CCM2L: variants seen among roughly 807,000 people sequenced by gnomAD.
CCM2L encodes the protein cerebral cavernous malformations 2 protein-like.
In CCM2L, 36 loss-of-function variants were observed where a neutral mutation model predicts 54.1. The observed-to-expected ratio is 0.67, with a 90% CI of 0.51 to 0.88. The LOEUF (loss-of-function observed/expected upper bound fraction) is 0.88. CCM2L is among the 40% of genes least tolerant of loss of function. The pLI, the probability that CCM2L is intolerant of heterozygous loss-of-function variation, is 0.00. For synonymous variants in CCM2L, 351 were observed against 359.3 expected (o/e 0.98, Z 0.26); for missense variants, 700 against 812.1 (o/e 0.86, Z 1.68).
At position 32,022,711 on chromosome 20, in the gene CCM2L, T is replaced by C. The variant is rs374312057; in HGVS notation, c.985T>C (p.Tyr329His). 11 of 1,614,092 alleles carry C rather than the reference T, an allele frequency of 6.8e-6. 1 individual carries two copies. Among genetic ancestry groups the C allele is most frequent in the Middle Eastern group, 1.6e-4 (1 of 6,072 alleles). Residue 329 changes from tyrosine (Y) to histidine (H), a missense_variant, in exon 6 of 10, where the codon TAC becomes CAC. Coordinates refer to ENST00000452892, the MANE Select transcript of CCM2L (RefSeq NM_001365692.1). ...CATCTGTCAGGTCTTCCAGATCATCTACGGGGACCAGAGTATTGAGTGTGT... is the reference window on the plus strand; with the variant it reads ...CATCTGTCAGGTCTTCCAGATCATCCACGGGGACCAGAGTATTGAGTGTGT... ...ALICQVFQIIYGDQSIECVDR... is the reference protein window; with the variant it reads ...ALICQVFQIIHGDQSIECVDR...
chr20:32,014,503 T>C (rs1439393202), intron 1 of CCM2L, among the ~76,000 whole-genome samples: 1 of 152,092 alleles, frequency 6.6e-6, no homozygotes, highest in East Asian at 1.9e-4. Context: ...TGACCTCAAG[T>C]GATCCACCCG....
rs767311405 is a variant in CCM2L at position 32,029,139 on chromosome 20, G to T, written c.1263+15G>T. ...ACATGGTCACGGTGAGCTGGGGCCGGTGGTGGGAATGGCACAAGCAAAAGC... is the reference window on the plus strand; with the variant it reads ...ACATGGTCACGGTGAGCTGGGGCCGTTGGTGGGAATGGCACAAGCAAAAGC... On this transcript the variant is annotated intron_variant, in intron 8 of 9. Coordinates refer to ENST00000452892, the MANE Select transcript of CCM2L (RefSeq NM_001365692.1). 8 of 1,613,974 alleles carry T rather than the reference G, an allele frequency of 5.0e-6. No individual in the cohort carries two copies. Among genetic ancestry groups the T allele is most frequent in the African/African-American group, 2.7e-5 (2 of 74,920 alleles).
At chr20:32,029,987 C>T in intron 9 of CCM2L, 149 bp downstream of exon 9, 1 of 995,218 alleles carries the variant, frequency 1.0e-6, no homozygotes, top group Non-Finnish European at 1.4e-6. Flanking sequence ...AGATGAGGAG[C>T]CCAAAGTGCA....
intron 5 of CCM2L, 90 bp from the exon 6 acceptor site, chr20:32,022,570 G>A: frequency 1.3e-6 from 2 of 1,486,062 alleles, no homozygotes; most frequent in Non-Finnish European, 1.8e-6. Context: ...GTGTATCTTT[G>A]TGCGCATCTT....
intron 7 of CCM2L, chr20:32,027,814 T>C (rs2064876980): frequency 6.6e-6 from 1 of 152,200 alleles, no homozygotes; most frequent in African/African-American, 2.4e-5. Flanking sequence ...GGCACTCTGC[T>C]GTGTGCTGGG....
At chr20:32,028,843 T>C (rs2064889345) in intron 7 of CCM2L, 152 bp from the exon 8 acceptor site, 4 of 930,858 alleles carry the variant, frequency 4.3e-6, no homozygotes, top group Non-Finnish European at 4.8e-6. Context: ...GCAAGCACAG[T>C]GACAGATGAG....
intron 9 of CCM2L, among the ~76,000 whole-genome samples, chr20:32,030,680 C>A (rs1193554489): frequency 6.6e-6 from 1 of 151,864 alleles, no homozygotes; most frequent in Admixed American, 6.6e-5. Flanking sequence ...ACTAAAAATA[C>A]AAAAATTAGC....
Position 32,014,956 on chromosome 20 carries a change from C to A in CCM2L, c.83C>A (p.Ala28Glu), listed in dbSNP as rs1213705430. 10 of 1,601,956 alleles carry A rather than the reference C, an allele frequency of 6.2e-6. No homozygotes were observed. The highest frequency in any genetic ancestry group is 8.5e-6 in the Non-Finnish European group (10 of 1,174,158). ...RLVFPKAGRRAACRSSVSRRP... is the reference protein window; with the variant it reads ...RLVFPKAGRREACRSSVSRRP... The stretch of plus-strand genomic sequence containing the variant: ...GTGTTCCCCAAGGCCGGGCGCCGGG[C>A]AGCCTGTAGGAGCAGCGTGAGCCGC... Residue 28 changes from alanine (A) to glutamate (E), a missense_variant, in exon 2 of 10, where the codon GCA becomes GAA. Coordinates refer to ENST00000452892, the MANE Select transcript of CCM2L (RefSeq NM_001365692.1).
At chr20:32,022,956 TTTTTCTTTTTC>T (rs770223398) in intron 6 of CCM2L, among the ~76,000 whole-genome samples, 161 bp downstream of exon 6, 1 of 145,896 alleles carries the variant, frequency 6.9e-6, no homozygotes, top group South Asian at 2.1e-4. Flanking sequence ...GTCAATTTTC[TTTTTCTTTTTC>T]TTTTCTTTTT....
chr20:32,029,743 T>C lies in CCM2L; in HGVS notation c.1307T>C (p.Met436Thr), dbSNP rs1206928545. The change falls in exon 9 of 10, where the codon ATG becomes ACG. Residue 436 changes from methionine (M) to threonine (T), a missense_variant. By Grantham distance (81) the Met-to-Thr change is moderately conservative. Transcript: ENST00000452892. ...CCCCTCGAGATCCAGCAGTTTGCGA[T>C]GCTGCTGCGGGAGTACCGGCTGGGG... is the stretch of plus-strand genomic sequence containing the variant. ...LGPLEIQQFA[M>T]LLREYRLGLP... The C allele has an allele frequency of 6.2e-7, 1 of 1,613,392 alleles. No individual in the cohort carries two copies.
At chr20:32,029,168 G>C (rs777164790) in intron 8 of CCM2L, 44 bp downstream of exon 8, 58 of 1,613,684 alleles carry the variant, frequency 3.6e-5, no homozygotes, top group Non-Finnish European at 4.7e-5. Flanking sequence ...CAAAAGCCTG[G>C]AGGCTGGAGT....
rs1373807672 is a variant in CCM2L at position 32,018,145 on chromosome 20, T to C, written c.449T>C (p.Leu150Pro). The change falls in exon 4 of 10, where the codon CTG becomes CCG. Residue 150 changes from leucine to proline, a missense_variant. Transcript: ENST00000452892. ...ASYLQDDALH[L>P]LVLKTGLGVD... ...TACCTGCAGGACGACGCGCTGCACC[T>C]GCTAGTGCTCAAGACCGGTGCGGCG... 6.7e-7 allele frequency: 1 copy of C among 1,493,076 alleles called. No individual in the cohort carries two copies. Among genetic ancestry groups the C allele is most frequent in the Non-Finnish European group, 9.0e-7 (1 of 1,112,456 alleles). The allele number at this position is 1,493,076 out of a possible 1,614,324, so 92.5% of individuals were successfully genotyped here.
At position 32,018,101 on chromosome 20, in the gene CCM2L, C is replaced by G. The variant is rs371486364; in HGVS notation, c.405C>G (p.His135Gln). 18 of 1,611,404 alleles carry G rather than the reference C, an allele frequency of 1.1e-5. No homozygotes were observed. The highest frequency in any genetic ancestry group is 1.5e-5 in the Non-Finnish European group (18 of 1,179,566). ...NEELILRIPT[H>Q]EIAAASYLQD... ...AGCTCATTCTGCGAATCCCTACGCA[C>G]GAGATCGCCGCCGCCTCCTACCTGC... Residue 135 changes from histidine to glutamine, a missense_variant, in exon 4 of 10, where the codon CAC becomes CAG. By Grantham distance (24) the His-to-Gln change is conservative. Transcript: ENST00000452892.
chr20:32,018,656 C>T (rs1267942569), intron 4 of CCM2L, among the ~76,000 whole-genome samples: 1 of 151,968 alleles, frequency 6.6e-6, no homozygotes, highest in Non-Finnish European at 1.5e-5. Flanking sequence ...CTGACCACCA[C>T]CCTCTGTTCA....
intron 8 of CCM2L, among the ~76,000 whole-genome samples, chr20:32,029,343 T>C (rs191868006): frequency 6.6e-6 from 1 of 152,300 alleles, no homozygotes; most frequent in Non-Finnish European, 1.5e-5. Flanking sequence ...CCAGGCACCA[T>C]TCTAAGCACC....
Position 32,031,861 on chromosome 20 carries a change from T to G in CCM2L, c.*547T>G, listed in dbSNP as rs1004460485. 2 of 152,228 alleles carry G rather than the reference T, an allele frequency of 1.3e-5. No individual in the cohort carries two copies. The highest frequency in any genetic ancestry group is 2.9e-5 in the Non-Finnish European group (2 of 68,076). 9.4% of individuals were successfully genotyped at this position (152,228 alleles called of 1,614,324 possible). A position where few individuals can be genotyped will look rare whatever the true frequency, so the allele number is the denominator to read the frequency against. The stretch of plus-strand genomic sequence containing the variant: ...CTTTTTAAGGCTCTAAATGTCAGGG[T>G]CTCCCATCCCCTGATGCCTGACTTG... On this transcript the variant is annotated 3_prime_UTR_variant, in exon 10 of 10. Transcript: ENST00000452892.
intron 1 of CCM2L, among the ~76,000 whole-genome samples, chr20:32,012,677 G>A (rs2064704577): frequency 6.6e-6 from 1 of 152,164 alleles, no homozygotes; most frequent in African/African-American, 2.4e-5. Flanking sequence ...CTCCAGGGCA[G>A]ATAAAGTTGG....
intron 5 of CCM2L, among the ~76,000 whole-genome samples, chr20:32,020,572 G>A (rs2064795476): frequency 6.6e-6 from 1 of 152,208 alleles, no homozygotes; most frequent in African/African-American, 2.4e-5. Flanking sequence ...TGGTTTCCCT[G>A]TCACAATTAA....
chr20:32,016,652 G>GC (rs776043147), intron 2 of CCM2L, among the ~76,000 whole-genome samples: 129 of 151,994 alleles, frequency 8.5e-4, no homozygotes, highest in Non-Finnish European at 1.7e-3. Flanking sequence ...CGAGACTCCA[G>GC]CCCCCCCACG....
Sources: gnomAD v4.1 joint callset for allele counts (sites outside exome capture counted in the v4.1 genomes callset) on GRCh38, gnomAD v4.1.1 for gene constraint, MANE v1.5 for transcripts, NCBI Gene and HGNC (gene_info 2026-07-23, HGNC 2026-07-21) for gene names.